Variants in RHOBTB3 observed in about 807,000 individuals in gnomAD.
RHOBTB3 encodes Rho related BTB domain containing 3.
A neutral mutation model predicts 67.2 loss-of-function variants in RHOBTB3; 47 were observed. The ratio of observed to expected loss-of-function variants is 0.70; its 90% CI spans 0.55 to 0.89. The LOEUF (loss-of-function observed/expected upper bound fraction) is 0.89. Ranked by LOEUF, RHOBTB3 falls within the 40% of genes least tolerant of loss-of-function variation. RHOBTB3 has a pLI of 0.00. For missense variants in RHOBTB3, 631 were observed against 750.0 expected, an observed-to-expected ratio of 0.84 and a Z score of 1.85; for synonymous variants, 273 against 274.2, an observed-to-expected ratio of 1.00 and a Z score of 0.04.
intron 6 of RHOBTB3, among the ~76,000 whole-genome samples, chr5:95,756,465 A>G (rs764226853): frequency 1.4e-4 from 21 of 152,214 alleles, no homozygotes; most frequent in Non-Finnish European, 2.9e-4. Flanking sequence ...GCTGCTGTGA[A>G]CATAGTGTAC....
intron 3 of RHOBTB3, among the ~76,000 whole-genome samples, chr5:95,746,296 C>T (rs928995121): frequency 6.6e-6 from 1 of 151,986 alleles, no homozygotes; most frequent in Non-Finnish European, 1.5e-5. Context: ...TTGAAACACT[C>T]CTGTCTCTGC....
intron 8 of RHOBTB3, among the ~76,000 whole-genome samples, chr5:95,773,296 G>C (rs1304621926): frequency 6.6e-6 from 1 of 152,164 alleles, no homozygotes; most frequent in African/African-American, 2.4e-5. Context: ...ATGATGTGCA[G>C]CAACTGCTGT....
chr5:95,774,350 T>C (rs1745807778), intron 8 of RHOBTB3, among the ~76,000 whole-genome samples: 1 of 152,202 alleles, frequency 6.6e-6, no homozygotes, highest in South Asian at 2.1e-4. Context: ...GAAAAAGGGG[T>C]TGGGAAAATA....
intron 6 of RHOBTB3, among the ~76,000 whole-genome samples, chr5:95,758,268 C>T (rs1745304023): frequency 6.6e-6 from 1 of 152,204 alleles, no homozygotes; most frequent in Admixed American, 6.5e-5. Context: ...AAAAGTTATC[C>T]TTCTACCCTA....
At chr5:95,768,280 G>A in intron 8 of RHOBTB3, 114 bp downstream of exon 8, 5 of 959,666 alleles carry the variant, frequency 5.2e-6, no homozygotes, top group Non-Finnish European at 7.9e-6. Flanking sequence ...TCCCTACTGA[G>A]GTATGTAGAT....
chr5:95,767,752 A>G (rs1561450670), intron 7 of RHOBTB3: 2 of 690,254 alleles, frequency 2.9e-6, no homozygotes, highest in Non-Finnish European at 5.3e-6. Context: ...CTGTTTCTCA[A>G]CAAAGACTCA....
chr5:95,772,070 T>C lies in RHOBTB3; in HGVS notation c.1282+3904T>C, dbSNP rs1023389370. On this transcript the variant is annotated intron_variant, in intron 8 of 11. Transcript: ENST00000379982. ...TGTCTTCCAGATGACTTCCTGGCAC[T>C]GGGGTCACCTGTGATTTAGGGTTGA... 2.0e-5 allele frequency among the ~76,000 whole-genome samples: 3 copies of C among 152,212 alleles called. No homozygotes were observed. The East Asian group carries it at 5.8e-4, about 29-fold the overall frequency.
At chr5:95,747,789 GA>G in intron 3 of RHOBTB3, among the ~76,000 whole-genome samples, 1 of 152,314 alleles carries the variant, frequency 6.6e-6, no homozygotes, top group Non-Finnish European at 1.5e-5. Context: ...TGAAATGTCT[GA>G]ATTAATAGGA....
chr5:95,722,560 G>A (rs185842134), intron 1 of RHOBTB3, among the ~76,000 whole-genome samples: 4 of 152,026 alleles, frequency 2.6e-5, no homozygotes, highest in East Asian at 1.9e-4. Flanking sequence ...GCGTGACCTC[G>A]GCTCACGCAA....
upstream of RHOBTB3, among the ~76,000 whole-genome samples, chr5:95,730,126 T>A (rs1755176997): frequency 6.6e-6 from 1 of 151,990 alleles, no homozygotes. Context: ...TCTCCCATTA[T>A]ATCCTCTCTG....
At chr5:95,731,198 T>G (rs1755225058), upstream of RHOBTB3, 3 of 1,002,390 alleles carry the variant, frequency 3.0e-6, no homozygotes. Context: ...TCCCGGGGCC[T>G]CCGCGGGGAG....
chr5:95,749,613 A>G (rs1745032777), intron 4 of RHOBTB3, among the ~76,000 whole-genome samples: 1 of 152,240 alleles, frequency 6.6e-6, no homozygotes, highest in Non-Finnish European at 1.5e-5. Context: ...CTTCCTTTCA[A>G]GCAGATTATA....
Position 95,748,439 on chromosome 5 carries a change from A to G in RHOBTB3, c.522A>G (p.Glu174=), listed in dbSNP as rs758123402. The G allele has an allele frequency of 6.2e-7, 1 of 1,613,524 alleles. No homozygotes were observed. Among genetic ancestry groups the G allele is most frequent in the East Asian group, 2.2e-5 (1 of 44,844 alleles). ...LAKELGATYL[E]LHSLDDFYIG... ...AAGAACTAGGAGCGACCTATCTTGA[A>G]CTCCACAGCCTTGATGACTTCTACA... The change falls in exon 4 of 12, where the codon GAA becomes GAG. Residue 174 remains glutamate (E), a synonymous_variant. Transcript: ENST00000379982.
chr5:95,726,699 C>A (rs1475750200), upstream of RHOBTB3, among the ~76,000 whole-genome samples: 1 of 152,212 alleles, frequency 6.6e-6, no homozygotes, highest in Non-Finnish European at 1.5e-5. Context: ...CTTGTGCTTG[C>A]ATTTTTAACA....
At chr5:95,725,689 C>T (rs892272475) in intron 1 of RHOBTB3, among the ~76,000 whole-genome samples, 11 of 152,186 alleles carry the variant, frequency 7.2e-5, no homozygotes, top group Non-Finnish European at 1.2e-4. Context: ...ACTTGTATAA[C>T]CTCTTACAGT....
At chr5:95,786,800 T>G (rs1309371551) in intron 10 of RHOBTB3, among the ~76,000 whole-genome samples, 1 of 152,226 alleles carries the variant, frequency 6.6e-6, no homozygotes, top group Non-Finnish European at 1.5e-5. Context: ...AAAATTCTGT[T>G]GCTTATTTCA....
intron 1 of RHOBTB3, among the ~76,000 whole-genome samples, chr5:95,725,326 A>C (rs1363481445): frequency 6.6e-6 from 1 of 152,274 alleles, no homozygotes; most frequent in African/African-American, 2.4e-5. Context: ...CCACTTAGAA[A>C]GAGTTCAAAA....
chr5:95,725,489 C>G (rs575917963), intron 1 of RHOBTB3, among the ~76,000 whole-genome samples: 1 of 152,358 alleles, frequency 6.6e-6, no homozygotes, highest in African/African-American at 2.4e-5. Flanking sequence ...TGTGCACACA[C>G]ACAAGCGCAC....
At chr5:95,738,979 T>A (rs1755529483) in intron 3 of RHOBTB3, among the ~76,000 whole-genome samples, 1 of 152,186 alleles carries the variant, frequency 6.6e-6, no homozygotes, top group Non-Finnish European at 1.5e-5. Context: ...CAGAATTGTT[T>A]CCCAGGGTTC....
Sources: allele counts gnomAD v4.1 joint callset (sites outside exome capture counted in the v4.1 genomes callset), GRCh38; gene constraint gnomAD v4.1.1; transcripts MANE v1.5; gene names NCBI Gene and HGNC (gene_info 2026-07-23, HGNC 2026-07-21).